Variants in LARS2 observed in about 807,000 individuals in gnomAD.
LARS2 encodes leucine--tRNA ligase, mitochondrial.
Under a neutral mutation model 116.6 loss-of-function variants are expected in LARS2, and 81 were observed. The observed-to-expected ratio is 0.69, with a 90% confidence interval of 0.58 to 0.84. The LOEUF is 0.84. Ranked by LOEUF, LARS2 falls within the 40% of genes least tolerant of loss-of-function variation. The probability of loss-of-function intolerance (pLI) is 0.00; values close to 1 mark genes in which losing one functional copy is unlikely to be tolerated. For missense variants in LARS2, 968 were observed against 1,114.5 expected, an observed-to-expected ratio of 0.87 and a Z score of 1.87; for synonymous variants, 396 against 407.2, an observed-to-expected ratio of 0.97 and a Z score of 0.33.
chr3:45,460,294 G>T (rs1004580937), intron 8 of LARS2, among the ~76,000 whole-genome samples: 1 of 152,172 alleles, frequency 6.6e-6, no homozygotes, highest in African/African-American at 2.4e-5. Flanking sequence ...AGCTGAGGAT[G>T]TTGCATTCTC....
At chr3:45,416,325 C>A (rs1698421562) in intron 4 of LARS2, among the ~76,000 whole-genome samples, 1 of 149,588 alleles carries the variant, frequency 6.7e-6, no homozygotes, top group Non-Finnish European at 1.5e-5. Flanking sequence ...AGAGTATTGC[C>A]TCAATCAGGG....
At chr3:45,488,911 C>T (rs1699864820) in intron 12 of LARS2, 99 bp downstream of exon 12, 1 of 785,424 alleles carries the variant, frequency 1.3e-6, no homozygotes, top group Non-Finnish European at 2.3e-6. Context: ...CTTCACTCGT[C>T]CCCATACCTA....
intron 12 of LARS2, among the ~76,000 whole-genome samples, chr3:45,490,588 C>T (rs1403894338): frequency 1.3e-5 from 2 of 152,212 alleles, no homozygotes; most frequent in African/African-American, 4.8e-5. Context: ...AAAGACACTT[C>T]AGACCATTCA....
chr3:45,480,665 C>A lies in LARS2; in HGVS notation c.1018+4038C>A, dbSNP rs891706729. The stretch of plus-strand genomic sequence containing the variant: ...ATATGGAGAACACTAGAGACCTATT[C>A]AGGAACTTTGGATTTTAATTGTGTT... On this transcript the variant is annotated intron_variant, in intron 10 of 21. Coordinates refer to ENST00000645846, the MANE Select transcript of LARS2 (RefSeq NM_015340.4). Among the ~76,000 whole-genome samples the A allele has an allele frequency of 7.2e-5, 11 of 152,298 alleles. No individual in the cohort carries two copies. In the South Asian group the frequency reaches 2.3e-3, roughly 32 times the overall value.
chr3:45,503,636 T>C (rs1346391822), intron 15 of LARS2, among the ~76,000 whole-genome samples: 1 of 152,090 alleles, frequency 6.6e-6, no homozygotes, highest in East Asian at 1.9e-4. Context: ...GGCTCTCTTG[T>C]CTGCTGTATT....
chr3:45,473,310 A>G (rs375228099), intron 8 of LARS2, among the ~76,000 whole-genome samples: 3 of 152,228 alleles, frequency 2.0e-5, no homozygotes, highest in African/African-American at 7.2e-5. Context: ...TTTTAAAGCA[A>G]TAGTTTGCAT....
chr3:45,467,815 G>A (rs1699452331), intron 8 of LARS2, among the ~76,000 whole-genome samples: 1 of 152,096 alleles, frequency 6.6e-6, no homozygotes. Flanking sequence ...TTATTGCTGG[G>A]CAAGGTGGCT....
At chr3:45,483,184 C>G (rs1699735720) in intron 10 of LARS2, among the ~76,000 whole-genome samples, 1 of 152,220 alleles carries the variant, frequency 6.6e-6, no homozygotes, top group Admixed American at 6.5e-5. Context: ...ATAGACATCC[C>G]TATCTGTATG....
chr3:45,495,747 G>C (rs1329573069), intron 13 of LARS2, among the ~76,000 whole-genome samples: 1 of 152,154 alleles, frequency 6.6e-6, no homozygotes, highest in Non-Finnish European at 1.5e-5. Flanking sequence ...GGAAAATAAG[G>C]CTTTTAATTG....
chr3:45,458,817 G>A lies in LARS2; in HGVS notation c.681G>A (p.Trp227Ter). 1 of 1,614,128 alleles carries A rather than the reference G, an allele frequency of 6.2e-7. No individual in the cohort carries two copies. The highest frequency in any genetic ancestry group is 1.1e-5 in the South Asian group (1 of 91,080). The change falls in exon 8 of 22, where the codon TGG (tryptophan) becomes TGA (stop). Residue 227 changes from tryptophan (W) to a stop codon, truncating the protein, a stop_gained. Transcript: ENST00000645846. LOFTEE classifies it high-confidence loss of function. ...NEQVDEHGCS[W>*]RSGAKVEQKY... ...AGGTGGATGAACATGGCTGTTCATGGCGTTCTGGAGCAAAGGTGGAACAGA... is the reference window on the plus strand; with the variant it reads ...AGGTGGATGAACATGGCTGTTCATGACGTTCTGGAGCAAAGGTGGAACAGA...
rs1231668033 is a variant in LARS2 at position 45,524,117 on chromosome 3, CAG to C, written c.2404+12_2404+13del. On this transcript the variant is annotated intron_variant, in intron 20 of 21. Transcript: ENST00000645846. The stretch of plus-strand genomic sequence containing the variant: ...CTCAGAGATCTGGGCAGGTACGTGG[CAG>C]AGTCCTTTTTTGACCAGTTACTACT... 6.4e-7 allele frequency: 1 copy of C among 1,572,418 alleles called. No individual in the cohort carries two copies. The highest frequency in any genetic ancestry group is 8.8e-7 in the Non-Finnish European group (1 of 1,142,404).
chr3:45,467,404 T>C (rs2125714583), intron 8 of LARS2, among the ~76,000 whole-genome samples: 1 of 152,358 alleles, frequency 6.6e-6, no homozygotes, highest in East Asian at 1.9e-4. Context: ...GTGTCAGATT[T>C]GCTCAAAATA....
At chr3:45,528,485 G>A (rs1292129771) in intron 20 of LARS2, among the ~76,000 whole-genome samples, 2 of 152,058 alleles carry the variant, frequency 1.3e-5, no homozygotes, top group Non-Finnish European at 2.9e-5. Flanking sequence ...TATATACTCA[G>A]TGTTTTAAGT....
Position 45,400,334 on chromosome 3 carries a change from C to G in LARS2, c.324C>G (p.Ser108Arg), listed in dbSNP as rs140105027. ...GCCATGTGCGTGTCTACACCATCAGCGACACCATAGCACGGTTCCAGAAGA... is the reference window on the plus strand; with the variant it reads ...GCCATGTGCGTGTCTACACCATCAGGGACACCATAGCACGGTTCCAGAAGA... ...HMGHVRVYTI[S>R]DTIARFQKMR... is the part of the protein sequence containing the mutation. Residue 108 changes from serine to arginine, a missense_variant, in exon 4 of 22, where the codon AGC (serine) becomes AGG (arginine). Transcript: ENST00000645846. 1 of 1,613,684 alleles carries G rather than the reference C, an allele frequency of 6.2e-7. No homozygotes were observed. Among genetic ancestry groups the G allele is most frequent in the Non-Finnish European group, 8.5e-7 (1 of 1,179,820 alleles).
At chr3:45,468,686 G>A (rs1307464331) in intron 8 of LARS2, among the ~76,000 whole-genome samples, 1 of 152,230 alleles carries the variant, frequency 6.6e-6, no homozygotes, top group Non-Finnish European at 1.5e-5. Context: ...TGCTGAAAAG[G>A]TGGGTCAGAG....
intron 6 of LARS2, among the ~76,000 whole-genome samples, chr3:45,440,852 C>T (rs1698893775): frequency 6.6e-6 from 1 of 152,070 alleles, no homozygotes; most frequent in Non-Finnish European, 1.5e-5. Context: ...CTCATAAACA[C>T]CATCTCTTTT....
At chr3:45,438,645 C>G (rs1256633490) in intron 6 of LARS2, among the ~76,000 whole-genome samples, 1 of 142,580 alleles carries the variant, frequency 7.0e-6, no homozygotes, top group African/African-American at 2.5e-5. Flanking sequence ...TGGAGAAACC[C>G]CATCTCTACT....
intron 4 of LARS2, among the ~76,000 whole-genome samples, chr3:45,403,748 A>G (rs1051368945): frequency 1.3e-5 from 2 of 152,154 alleles, no homozygotes; most frequent in Non-Finnish European, 2.9e-5. Context: ...CCTTGCAGGC[A>G]GCTCAGGCCC....
At chr3:45,443,106 C>T (rs1187928062) in intron 6 of LARS2, among the ~76,000 whole-genome samples, 2 of 152,234 alleles carry the variant, frequency 1.3e-5, no homozygotes, top group Non-Finnish European at 2.9e-5. Context: ...CTCTGGGGAA[C>T]AAAATTTTCC....
Sources: allele counts gnomAD v4.1 joint callset (sites outside exome capture counted in the v4.1 genomes callset), GRCh38; gene constraint gnomAD v4.1.1; transcripts MANE v1.5; gene names NCBI Gene and HGNC (gene_info 2026-07-23, HGNC 2026-07-21).